Variants in DPP10 observed in about 807,000 individuals in gnomAD.
DPP10 encodes the protein dipeptidyl peptidase like 10.
Under a neutral mutation model 120.9 loss-of-function variants are expected in DPP10, and 33 were observed. The observed-to-expected ratio is 0.27, with a 90% CI of 0.21 to 0.37. The LOEUF (loss-of-function observed/expected upper bound fraction) is 0.37. DPP10 is among the 10% of genes least tolerant of loss of function. DPP10 has a pLI of 1.00. For synonymous variants in DPP10, 337 were observed against 326.1 expected (o/e 1.03, Z -0.36); for missense variants, 816 against 942.8 (o/e 0.87, Z 1.76).
At chr2:114,501,903 T>A (rs1683216067) in intron 1 of DPP10, among the ~76,000 whole-genome samples, 1 of 151,710 alleles carries the variant, frequency 6.6e-6, no homozygotes. Context: ...AGGATACGAT[T>A]TATATGAGAA....
intron 8 of DPP10, among the ~76,000 whole-genome samples, chr2:115,731,678 T>G (rs920054529): frequency 2.0e-5 from 3 of 152,174 alleles, no homozygotes; most frequent in African/African-American, 7.2e-5. Context: ...CTACTTGTTA[T>G]AGGGGGATGT....
chr2:115,355,654 G>C (rs995899529), intron 3 of DPP10, among the ~76,000 whole-genome samples: 2 of 152,132 alleles, frequency 1.3e-5, no homozygotes, highest in East Asian at 1.9e-4. Context: ...GAATGATACT[G>C]CCTAGGTTTT....
At chr2:114,668,946 A>T (rs1288333185) in intron 1 of DPP10, among the ~76,000 whole-genome samples, 1 of 152,230 alleles carries the variant, frequency 6.6e-6, no homozygotes. Context: ...TCTCATGTAA[A>T]TATCATGTTC....
intron 1 of DPP10, among the ~76,000 whole-genome samples, chr2:114,503,672 G>A (rs1005630367): frequency 1.3e-5 from 2 of 152,208 alleles, no homozygotes; most frequent in South Asian, 2.1e-4. Context: ...GGGGTTGGAT[G>A]CAGGATTAAG....
intron 1 of DPP10, chr2:115,162,280 C>T (rs934528215): frequency 3.2e-6 from 5 of 1,540,432 alleles, no homozygotes; most frequent in Non-Finnish European, 4.4e-6. Context: ...GAGGTAAAGG[C>T]TGAAGGTGCC....
At chr2:114,546,743 A>G (rs1262449414) in intron 1 of DPP10, among the ~76,000 whole-genome samples, 1 of 152,204 alleles carries the variant, frequency 6.6e-6, no homozygotes, top group Non-Finnish European at 1.5e-5. Context: ...GAGGCTCTGT[A>G]TGAGTCTGAT....
At chr2:115,455,953 C>T (rs958514127) in intron 3 of DPP10, among the ~76,000 whole-genome samples, 1 of 152,048 alleles carries the variant, frequency 6.6e-6, no homozygotes, top group Non-Finnish European at 1.5e-5. Flanking sequence ...CAACAAAAGC[C>T]ACAATTGACA....
intron 1 of DPP10, among the ~76,000 whole-genome samples, chr2:114,838,519 T>C (rs113289187): frequency 1.2e-3 from 179 of 152,188 alleles, no homozygotes; most frequent in African/African-American, 4.2e-3. Flanking sequence ...TTCACCATGT[T>C]GGTAAAGTTG....
At chr2:114,874,479 T>A (rs1262889454) in intron 1 of DPP10, among the ~76,000 whole-genome samples, 1 of 151,862 alleles carries the variant, frequency 6.6e-6, no homozygotes, top group Non-Finnish European at 1.5e-5. Flanking sequence ...AGACTGGACA[T>A]AAGCAACATA....
At chr2:115,028,287 A>C (rs1703608683) in intron 1 of DPP10, among the ~76,000 whole-genome samples, 1 of 152,020 alleles carries the variant, frequency 6.6e-6, no homozygotes, top group African/African-American at 2.4e-5. Context: ...TGTATGTTGC[A>C]TCTCCATTTC....
chr2:114,912,154 A>G (rs1308555168), intron 1 of DPP10, among the ~76,000 whole-genome samples: 2 of 152,146 alleles, frequency 1.3e-5, no homozygotes, highest in African/African-American at 4.8e-5. Flanking sequence ...ACACACACAC[A>G]TGCATATACA....
chr2:114,937,696 G>T (rs1696584599), intron 1 of DPP10, among the ~76,000 whole-genome samples: 2 of 152,164 alleles, frequency 1.3e-5, no homozygotes, highest in Admixed American at 1.3e-4. Flanking sequence ...ACTCCAGGAA[G>T]ATCTGGGCTG....
At chr2:115,381,373 G>A (rs1481003820) in intron 3 of DPP10, among the ~76,000 whole-genome samples, 4 of 151,956 alleles carry the variant, frequency 2.6e-5, no homozygotes, top group Non-Finnish European at 4.4e-5. Flanking sequence ...CACTCTTCAC[G>A]TAGTTCTCCA....
At chr2:115,258,366 T>C (rs1440289178) in intron 1 of DPP10, among the ~76,000 whole-genome samples, 1 of 151,838 alleles carries the variant, frequency 6.6e-6, no homozygotes, top group African/African-American at 2.4e-5. Context: ...TCCTATTTAA[T>C]AGATGATAAA....
intron 1 of DPP10, among the ~76,000 whole-genome samples, chr2:115,250,933 A>G (rs898608942): frequency 2.6e-5 from 4 of 152,234 alleles, no homozygotes; most frequent in African/African-American, 7.2e-5. Context: ...GAAAATGTTC[A>G]GAAGTGGAGG....
intron 1 of DPP10, among the ~76,000 whole-genome samples, chr2:115,283,346 A>G (rs984826149): frequency 4.6e-5 from 7 of 152,098 alleles, no homozygotes; most frequent in African/African-American, 1.2e-4. Context: ...GTGTTTTTCT[A>G]TGCACAACTT....
intron 1 of DPP10, among the ~76,000 whole-genome samples, chr2:115,001,523 T>G (rs571398678): frequency 6.6e-6 from 1 of 152,150 alleles, no homozygotes; most frequent in African/African-American, 2.4e-5. Flanking sequence ...CTATTCAACA[T>G]AGCACTGAAA....
chr2:115,006,832 A>G (rs2105051541), intron 1 of DPP10, among the ~76,000 whole-genome samples: 1 of 151,858 alleles, frequency 6.6e-6, no homozygotes, highest in South Asian at 2.1e-4. Context: ...CAACAAGGAT[A>G]CCCAGGAATT....
At chr2:114,849,298 T>C (rs1326767675) in intron 1 of DPP10, among the ~76,000 whole-genome samples, 1 of 152,162 alleles carries the variant, frequency 6.6e-6, no homozygotes, top group Admixed American at 6.6e-5. Context: ...TGCTGTCTTC[T>C]ATGAGTTTAT....
Sources: gnomAD v4.1 joint callset for allele counts (sites outside exome capture counted in the v4.1 genomes callset) on GRCh38, gnomAD v4.1.1 for gene constraint, MANE v1.5 for transcripts, NCBI Gene and HGNC (gene_info 2026-07-23, HGNC 2026-07-21) for gene names.